Variants in ACOXL observed in about 807,000 individuals in gnomAD.
The protein encoded by ACOXL is acyl-CoA oxidase like, also known as acyl-coenzyme A oxidase-like protein.
In ACOXL, 70 loss-of-function variants were observed where a neutral mutation model predicts 71.9. The ratio of observed to expected loss-of-function variants is 0.97; its 90% CI spans 0.80 to 1.19. The LOEUF is 1.19. Ranked by LOEUF, ACOXL falls within the 50% of genes most tolerant of loss-of-function variation. The pLI is 0.00. For missense variants in ACOXL, 703 were observed against 736.3 expected (o/e 0.95, Z 0.52); for synonymous variants, 253 against 281.6 (o/e 0.90, Z 1.02).
At chr2:111,116,375 A>AG (rs2070354722) in intron 17 of ACOXL, among the ~76,000 whole-genome samples, 1 of 152,214 alleles carries the variant, frequency 6.6e-6, no homozygotes, top group African/African-American at 2.4e-5. Context: ...GCACATTTTC[A>AG]GGGAAGATGT....
chr2:110,963,705 A>G (rs2061806636), intron 12 of ACOXL: 1 of 1,613,812 alleles, frequency 6.2e-7, no homozygotes, highest in African/African-American at 1.3e-5. Flanking sequence ...CGATGTTGTT[A>G]TGCTTCAGGT....
chr2:111,092,911 G>C lies in ACOXL; in HGVS notation c.1487G>C (p.Trp496Ser). ...GTKLVFQERAWYLEHKYLTPM... is the reference protein window; with the variant it reads ...GTKLVFQERASYLEHKYLTPM... ...AAGCTGGTGTTTCAGGAGCGGGCCT[G>C]GTATTTAGAACATAAATACTTGACT... Residue 496 changes from tryptophan to serine, a missense_variant, in exon 17 of 18, where the codon TGG becomes TCG. Coordinates refer to ENST00000439055, the MANE Select transcript of ACOXL (RefSeq NM_001142807.4). 6.2e-7 allele frequency: 1 copy of C among 1,613,936 alleles called. No individual in the cohort carries two copies. Among genetic ancestry groups the C allele is most frequent in the African/African-American group, 1.3e-5 (1 of 74,970 alleles).
intron 1 of ACOXL, among the ~76,000 whole-genome samples, chr2:110,761,054 G>A (rs542669992): frequency 5.3e-5 from 8 of 152,214 alleles, no homozygotes; most frequent in African/African-American, 1.4e-4. Context: ...AGTGTTACTC[G>A]TTCCTTTCCA....
At chr2:110,977,993 A>T (rs985726681) in intron 12 of ACOXL, among the ~76,000 whole-genome samples, 11 of 152,196 alleles carry the variant, frequency 7.2e-5, no homozygotes, top group Non-Finnish European at 2.9e-5. Flanking sequence ...CCAGGAACCA[A>T]TGAGGAAAGA....
At chr2:111,096,087 G>A (rs2068783840) in intron 17 of ACOXL, among the ~76,000 whole-genome samples, 1 of 152,140 alleles carries the variant, frequency 6.6e-6, no homozygotes, top group Non-Finnish European at 1.5e-5. Flanking sequence ...GGGCTGATTG[G>A]TATTACTAAC....
At chr2:110,932,509 T>C (rs1415852986) in intron 11 of ACOXL, among the ~76,000 whole-genome samples, 1 of 152,224 alleles carries the variant, frequency 6.6e-6, no homozygotes, top group Non-Finnish European at 1.5e-5. Context: ...ACATAATATG[T>C]ATACATATCT....
chr2:110,976,053 T>C (rs2062428611), intron 12 of ACOXL, among the ~76,000 whole-genome samples: 1 of 152,144 alleles, frequency 6.6e-6, no homozygotes, highest in African/African-American at 2.4e-5. Context: ...AAAAAAAGTC[T>C]GGAGATTGGC....
rs183075710 is a variant in ACOXL, at chr2:110,930,414, T to C, written c.906-3075T>C. ...TGTATCTAGGAAGTAACTAACTTGCTTTTGATTTTACAGGCTCATAGGTGG... is the reference window on the plus strand; with the variant it reads ...TGTATCTAGGAAGTAACTAACTTGCCTTTGATTTTACAGGCTCATAGGTGG... On this transcript the variant is annotated intron_variant, in intron 11 of 17. Coordinates refer to ENST00000439055, the MANE Select transcript of ACOXL (RefSeq NM_001142807.4). 2.0e-3 allele frequency among the ~76,000 whole-genome samples: 299 copies of C among 152,386 alleles called. 3 individuals are homozygous for C. The highest frequency in any genetic ancestry group is 7.0e-3 in the African/African-American group (293 of 41,588).
chr2:110,739,583 G>C (rs1677260429), intron 1 of ACOXL, among the ~76,000 whole-genome samples: 1 of 152,198 alleles, frequency 6.6e-6, no homozygotes, highest in African/African-American at 2.4e-5. Context: ...CTCACTGAGG[G>C]GTCTCCTACT....
At chr2:110,880,671 AGCACAGTG>A (rs1696526729) in intron 10 of ACOXL, among the ~76,000 whole-genome samples, 1 of 152,152 alleles carries the variant, frequency 6.6e-6, no homozygotes, top group Admixed American at 6.5e-5. Flanking sequence ...CTACTGGCCG[AGCACAGTG>A]GCTCATGTCT....
intron 14 of ACOXL, among the ~76,000 whole-genome samples, chr2:111,027,927 G>A (rs1360475046): frequency 6.6e-6 from 1 of 152,022 alleles, no homozygotes; most frequent in Non-Finnish European, 1.5e-5. Flanking sequence ...GCTCACACCT[G>A]TAATTCCAGC....
intron 1 of ACOXL, among the ~76,000 whole-genome samples, chr2:110,753,274 G>T (rs569010906): frequency 6.6e-6 from 1 of 152,128 alleles, no homozygotes; most frequent in Non-Finnish European, 1.5e-5. Flanking sequence ...AAATGCTGAT[G>T]CCATGCTTGT....
intron 11 of ACOXL, among the ~76,000 whole-genome samples, chr2:110,909,448 A>C (rs949063498): frequency 3.9e-5 from 6 of 152,016 alleles, no homozygotes; most frequent in African/African-American, 1.5e-4. Flanking sequence ...ATTGTCCAGC[A>C]CTTGTGTGTC....
chr2:110,769,767 G>T (rs1424826640), intron 2 of ACOXL, among the ~76,000 whole-genome samples: 2 of 152,188 alleles, frequency 1.3e-5, no homozygotes, highest in African/African-American at 4.8e-5. Context: ...CCAGGAGGCG[G>T]AGGTTGCGGT....
chr2:110,985,239 T>C (rs1211998709), intron 12 of ACOXL, among the ~76,000 whole-genome samples: 1 of 152,214 alleles, frequency 6.6e-6, no homozygotes, highest in Non-Finnish European at 1.5e-5. Context: ...CCTGGCAGGG[T>C]TTGATTCTCA....
intron 14 of ACOXL, among the ~76,000 whole-genome samples, chr2:111,003,550 C>CAAAAAA (rs548001377): frequency 0.14 from 4,821 of 35,260 alleles, 1,475 homozygotes; most frequent in Middle Eastern, 0.19. Context: ...GACTCTGTCT[C>CAAAAAA]AAAAAAAAAA....
intron 11 of ACOXL, among the ~76,000 whole-genome samples, chr2:110,924,677 C>T (rs2060206053): frequency 6.6e-6 from 1 of 152,080 alleles, no homozygotes; most frequent in African/African-American, 2.4e-5. Flanking sequence ...TCCACCATAT[C>T]TACAGTGACT....
chr2:110,762,203 C>A (rs1421145409), intron 1 of ACOXL, among the ~76,000 whole-genome samples: 1 of 152,058 alleles, frequency 6.6e-6, no homozygotes, highest in Non-Finnish European at 1.5e-5. Context: ...TAACTTTTTG[C>A]ATCTTTTAGC....
intron 12 of ACOXL, among the ~76,000 whole-genome samples, chr2:110,977,328 G>A (rs1175958546): frequency 1.3e-5 from 2 of 151,818 alleles, no homozygotes; most frequent in African/African-American, 2.4e-5. Flanking sequence ...AGAGCTTGCA[G>A]TGAGCCGAGA....
Sources: allele counts gnomAD v4.1 joint callset (sites outside exome capture counted in the v4.1 genomes callset), GRCh38; gene constraint gnomAD v4.1.1; transcripts MANE v1.5; gene names NCBI Gene and HGNC (gene_info 2026-07-23, HGNC 2026-07-21).